RBFOX1: variants seen among roughly 807,000 people sequenced by gnomAD.
RBFOX1 encodes RNA binding protein fox-1 homolog 1.
In RBFOX1, 8 loss-of-function variants were observed where a neutral mutation model predicts 57.7. The observed-to-expected ratio is 0.14, with a 90% CI of 0.08 to 0.25. The LOEUF is 0.25. Among genes scored for constraint, RBFOX1 ranks in the 10% least tolerant of loss-of-function variants. The probability of loss-of-function intolerance (pLI) is 1.00; values close to 1 mark genes in which losing one functional copy is unlikely to be tolerated. For missense variants in RBFOX1, 611 were observed against 548.5 expected, an observed-to-expected ratio of 1.11 and a Z score of -1.14; for synonymous variants, 326 against 222.4, an observed-to-expected ratio of 1.47 and a Z score of -4.15.
chr16:6,060,868 C>T (rs1006564266), intron 1 of RBFOX1, among the ~76,000 whole-genome samples: 1 of 152,204 alleles, frequency 6.6e-6, no homozygotes, highest in Non-Finnish European at 1.5e-5. Flanking sequence ...GTTGGTGTCT[C>T]CTTCTGTCTG....
chr16:5,688,516 G>T (rs548450309), intron 3 of RBFOX1, among the ~76,000 whole-genome samples: 3 of 152,236 alleles, frequency 2.0e-5, no homozygotes, highest in South Asian at 4.1e-4. Context: ...GGTGGTTCTT[G>T]TACCTCCCAG....
chr16:7,392,651 A>T (rs2098055391), intron 4 of RBFOX1, among the ~76,000 whole-genome samples: 1 of 152,140 alleles, frequency 6.6e-6, no homozygotes, highest in African/African-American at 2.4e-5. Flanking sequence ...GGTTAAGCTG[A>T]GTAGGTGATA....
intron 3 of RBFOX1, among the ~76,000 whole-genome samples, chr16:6,833,987 G>C (rs542843909): frequency 2.0e-5 from 3 of 152,262 alleles, no homozygotes; most frequent in East Asian, 1.9e-4. Context: ...GTAGGGTTTG[G>C]ACTGGGTTGT....
intron 4 of RBFOX1, among the ~76,000 whole-genome samples, chr16:7,067,969 T>TG (rs2056497844): frequency 6.7e-6 from 1 of 149,484 alleles, no homozygotes; most frequent in African/African-American, 2.5e-5. Flanking sequence ...TTTTTTTTTT[T>TG]GTAATTCATG....
chr16:7,611,850 T>G (rs965658177), intron 10 of RBFOX1, among the ~76,000 whole-genome samples: 6 of 152,200 alleles, frequency 3.9e-5, no homozygotes, highest in African/African-American at 1.4e-4. Flanking sequence ...TAAAAATCTT[T>G]CTAAATGCTT....
intron 10 of RBFOX1, among the ~76,000 whole-genome samples, chr16:7,613,487 A>C (rs529195986): frequency 2.0e-5 from 3 of 152,332 alleles, no homozygotes; most frequent in South Asian, 2.1e-4. Context: ...GCCACGGATC[A>C]CATGACTTGA....
chr16:5,343,517 T>G (rs2065078048), intron 1 of RBFOX1, among the ~76,000 whole-genome samples: 1 of 151,822 alleles, frequency 6.6e-6, no homozygotes, highest in Non-Finnish European at 1.5e-5. Context: ...GAGAGGGGGT[T>G]TCACCGTGTT....
chr16:5,330,758 G>A (rs2064731702), intron 1 of RBFOX1, among the ~76,000 whole-genome samples: 1 of 150,972 alleles, frequency 6.6e-6, no homozygotes, highest in South Asian at 2.1e-4. Flanking sequence ...CAGACAAGGA[G>A]CATCATTTAA....
chr16:7,320,431 G>C (rs1197790154), intron 4 of RBFOX1, among the ~76,000 whole-genome samples: 1 of 152,172 alleles, frequency 6.6e-6, no homozygotes, highest in Non-Finnish European at 1.5e-5. Flanking sequence ...TGGCTGCATA[G>C]TATTCCATGG....
Position 6,039,837 on chromosome 16 carries a change from C to T in RBFOX1, c.-127+19845C>T, listed in dbSNP as rs530895621. Among the ~76,000 whole-genome samples, 159 of 152,344 alleles carry T rather than the reference C, an allele frequency of 1.0e-3. 1 individual carries two copies. The highest frequency in any genetic ancestry group is 3.7e-3 in the Admixed American group (56 of 15,308). On this transcript the variant is annotated intron_variant, in intron 1 of 15. Coordinates refer to ENST00000550418, the MANE Select transcript of RBFOX1 (RefSeq NM_018723.4). Reference sequence around the variant, plus strand: ...ATGTTGCAGCTGAGATGTTGGCTGGCGCTGTGTCACCTGAAGGCTCAGCCG... The same window carrying T: ...ATGTTGCAGCTGAGATGTTGGCTGGTGCTGTGTCACCTGAAGGCTCAGCCG...
chr16:5,861,413 A>G (rs770545652), intron 3 of RBFOX1, among the ~76,000 whole-genome samples: 22 of 152,206 alleles, frequency 1.4e-4, no homozygotes, highest in Non-Finnish European at 2.5e-4. Flanking sequence ...TGGGACAAAG[A>G]TGATGATGGT....
intron 2 of RBFOX1, among the ~76,000 whole-genome samples, chr16:6,518,797 GTCTATCTATCTATCTA>G (rs58687392): frequency 7.7e-5 from 8 of 103,980 alleles, no homozygotes; most frequent in African/African-American, 1.4e-4. Context: ...CTGTGTGTCT[GTCTATCTATCTATCTA>G]TCTATCTATC....
At position 7,420,912 on chromosome 16, in the gene RBFOX1, CAT is replaced by C. The variant is rs572840849; in HGVS notation, c.28-97223_28-97222del. ...ATATATATATACACACATATATATA[CAT>C]ATATATATATACACATATATATATA... is the stretch of plus-strand genomic sequence containing the variant. On this transcript the variant is annotated intron_variant, in intron 4 of 15. Transcript: ENST00000550418. Among the ~76,000 whole-genome samples the C allele has an allele frequency of 2.7e-3, 386 of 141,042 alleles. 2 individuals are homozygous for C. The highest frequency in any genetic ancestry group is 9.1e-3 in the African/African-American group (344 of 37,694). The allele number at this position is 141,042 out of a possible 152,430, so 92.5% of individuals were successfully genotyped here.
At chr16:6,273,276 A>G (rs1306008386) in intron 1 of RBFOX1, among the ~76,000 whole-genome samples, 1 of 149,852 alleles carries the variant, frequency 6.7e-6, no homozygotes. Context: ...AACAAAACAA[A>G]CCAAAGCAAA....
intron 4 of RBFOX1, among the ~76,000 whole-genome samples, chr16:7,187,688 CACAAAAAAAAAA>C (rs2084248409): frequency 2.1e-4 from 9 of 43,212 alleles, no homozygotes; most frequent in African/African-American, 6.7e-4. Context: ...GACTCTGTCT[CACAAAAAAAAAA>C]AAAAAAAAAA....
At chr16:5,976,651 T>C (rs2060069029) in intron 4 of RBFOX1, among the ~76,000 whole-genome samples, 1 of 152,116 alleles carries the variant, frequency 6.6e-6, no homozygotes, top group Non-Finnish European at 1.5e-5. Flanking sequence ...GACAGATTAC[T>C]TGAGGTCAGG....
intron 4 of RBFOX1, among the ~76,000 whole-genome samples, chr16:7,226,552 G>C (rs576832716): frequency 6.6e-6 from 1 of 152,286 alleles, no homozygotes; most frequent in African/African-American, 2.4e-5. Flanking sequence ...TCTCTCAATG[G>C]TGCCTCCATA....
chr16:7,097,899 C>T (rs1012096694), intron 4 of RBFOX1, among the ~76,000 whole-genome samples: 11 of 152,188 alleles, frequency 7.2e-5, no homozygotes, highest in African/African-American at 2.4e-4. Flanking sequence ...GTGCCTCACA[C>T]AATGGCCTGC....
At chr16:7,709,367 C>T (rs542575790) in intron 15 of RBFOX1, 5 of 1,115,306 alleles carry the variant, frequency 4.5e-6, no homozygotes, top group African/African-American at 3.2e-5. Context: ...TCTCACCTAG[C>T]AGAGCACTTA....
Sources: allele counts gnomAD v4.1 joint callset (sites outside exome capture counted in the v4.1 genomes callset), GRCh38; gene constraint gnomAD v4.1.1; transcripts MANE v1.5; gene names NCBI Gene and HGNC (gene_info 2026-07-23, HGNC 2026-07-21).